RPP30: variants seen among roughly 807,000 people sequenced by gnomAD.
RPP30 encodes ribonuclease P protein subunit p30.
In RPP30, 36 loss-of-function variants were observed where a neutral mutation model predicts 38.6. The observed-to-expected ratio is 0.93, with a 90% CI of 0.71 to 1.23. The LOEUF is 1.23. Ranked by LOEUF, RPP30 falls within the 50% of genes most tolerant of loss-of-function variation. The pLI is 0.00. For missense variants in RPP30, 321 were observed against 321.7 expected, an observed-to-expected ratio of 1.00 and a Z score of 0.02; for synonymous variants, 126 against 112.7, an observed-to-expected ratio of 1.12 and a Z score of -0.75.
intron 6 of RPP30, among the ~76,000 whole-genome samples, chr10:90,890,415 T>C (rs1251629036): frequency 1.3e-5 from 2 of 152,228 alleles, no homozygotes; most frequent in Admixed American, 6.5e-5. Context: ...GGATCTTATA[T>C]GTTTTACACT....
chr10:90,898,941 A>G (rs1210213851), intron 10 of RPP30, among the ~76,000 whole-genome samples: 3 of 152,330 alleles, frequency 2.0e-5, no homozygotes, highest in South Asian at 2.1e-4. Flanking sequence ...GAACAAAATT[A>G]TTCACTCGTA....
chr10:90,872,053 G>A lies in RPP30; in HGVS notation c.67G>A (p.Glu23Lys). ...SDLKALRGLV[E>K]TAAHLGYSVV... The stretch of plus-strand genomic sequence containing the variant: ...CCTGAAGGCTCTGCGCGGACTTGTG[G>A]AGACAGCCGCTCACCGTGAGTTGCC... Residue 23 changes from glutamate (E) to lysine (K), a missense_variant, in exon 1 of 11, where the codon GAG becomes AAG. Physicochemically the swap from Glu to Lys is moderately conservative, Grantham distance 56. Coordinates refer to ENST00000371703, the MANE Select transcript of RPP30 (RefSeq NM_006413.5). 3 of 1,614,162 alleles carry A rather than the reference G, an allele frequency of 1.9e-6. No individual in the cohort carries two copies. The highest frequency in any genetic ancestry group is 2.5e-6 in the Non-Finnish European group (3 of 1,180,018).
intron 4 of RPP30, among the ~76,000 whole-genome samples, chr10:90,876,515 A>C (rs982194681): frequency 4.6e-5 from 7 of 152,328 alleles, no homozygotes; most frequent in South Asian, 2.1e-4. Context: ...ATGCTCTGGG[A>C]GTATGTAACC....
At chr10:90,897,225 A>G (rs1847150156) in intron 10 of RPP30, among the ~76,000 whole-genome samples, 1 of 152,256 alleles carries the variant, frequency 6.6e-6, no homozygotes. Flanking sequence ...TTATCTTTAT[A>G]ATTCTTAGGA....
In RPP30 at chr10:90,901,021, G is replaced by A; in HGVS notation, c.*342G>A. 1.2e-6 allele frequency: 1 copy of A among 845,512 alleles called. No individual in the cohort carries two copies. Among genetic ancestry groups the A allele is most frequent in the Non-Finnish European group, 1.4e-6 (1 of 694,566 alleles). The allele number at this position is 845,512 out of a possible 1,614,324, so 52.4% of individuals were successfully genotyped here. A position where few individuals can be genotyped will look rare whatever the true frequency, so the allele number is the denominator to read the frequency against. ...TTTGAGATAGGGTCTTTGTTGCTCA[G>A]GCTGGAGTACAGTGGCATAATCACA... On this transcript the variant is annotated 3_prime_UTR_variant, in exon 11 of 11. Coordinates refer to ENST00000371703, the MANE Select transcript of RPP30 (RefSeq NM_006413.5).
chr10:90,886,064 G>A (rs975868398), intron 6 of RPP30, among the ~76,000 whole-genome samples, 163 bp downstream of exon 6: 12 of 152,262 alleles, frequency 7.9e-5, no homozygotes, highest in Middle Eastern at 3.4e-3. Context: ...AACAAAGGGA[G>A]AAAGAAAGCT....
At chr10:90,880,876 A>T (rs1050694914) in intron 5 of RPP30, among the ~76,000 whole-genome samples, 3 of 152,210 alleles carry the variant, frequency 2.0e-5, no homozygotes, top group African/African-American at 7.2e-5. Flanking sequence ...ACTTTGTTCC[A>T]GTAGATTTGG....
chr10:90,890,248 T>G (rs1412610419), intron 6 of RPP30, among the ~76,000 whole-genome samples: 1 of 152,238 alleles, frequency 6.6e-6, no homozygotes, highest in African/African-American at 2.4e-5. Flanking sequence ...TTTCATATTT[T>G]AAAACATGAG....
rs772699207 is a variant in RPP30 at position 90,900,614 on chromosome 10, C to T, written c.742C>T (p.Pro248Ser). Residue 248 changes from proline (P) to serine (S), a missense_variant, in exon 11 of 11, where the codon CCT becomes TCT. By Grantham distance (74) the Pro-to-Ser change is moderately conservative. Transcript: ENST00000371703. ...TGGAATTATCTCTACAGTGAAGAAACCTCGGCCATCAGAAGGAGATGAAGA... is the reference window on the plus strand; with the variant it reads ...TGGAATTATCTCTACAGTGAAGAAATCTCGGCCATCAGAAGGAGATGAAGA... Reference protein sequence around the residue: ...AFGIISTVKKPRPSEGDEDCL... With the variant: ...AFGIISTVKKSRPSEGDEDCL... The T allele has an allele frequency of 3.1e-6, 5 of 1,613,560 alleles. No individual in the cohort carries two copies. The highest frequency in any genetic ancestry group is 4.2e-6 in the Non-Finnish European group (5 of 1,179,742).
chr10:90,875,955 T>A, intron 3 of RPP30, 69 bp from the exon 4 acceptor site: 1 of 899,740 alleles, frequency 1.1e-6, no homozygotes, highest in East Asian at 2.4e-5. Flanking sequence ...ATGAATACTT[T>A]CCACTGGTAA....
chr10:90,895,609 C>A, intron 8 of RPP30, 126 bp downstream of exon 8: 1 of 585,058 alleles, frequency 1.7e-6, no homozygotes, highest in South Asian at 4.3e-5. Flanking sequence ...TGCATTTGCT[C>A]ATTGTAATTG....
chr10:90,896,358 G>A lies in RPP30; in HGVS notation c.663G>A (p.Val221=), dbSNP rs754396234. 5.0e-6 allele frequency: 8 copies of A among 1,613,990 alleles called. No individual in the cohort carries two copies. The South Asian group carries it at 5.5e-5, about 11-fold the overall frequency. The change falls in exon 10 of 11, where the codon GTG becomes GTA. Residue 221 remains valine (V), a synonymous_variant. Transcript: ENST00000371703. ...CTGAAAGTGACGCCAAGGCTGCGGT[G>A]TCCACCAACTGCCGAGCAGCGCTTC... The part of the protein sequence containing the change: ...GLSESDAKAA[V]STNCRAALLH...
In RPP30 at chr10:90,895,503, C is replaced by CT; in HGVS notation, c.579+23dup. On this transcript the variant is annotated intron_variant, in intron 8 of 10. Coordinates refer to ENST00000371703, the MANE Select transcript of RPP30 (RefSeq NM_006413.5). ...GAAAGGGTAAGTCTAGCATGAAGTA[C>CT]TTTGTTTTCATCTTTCAGGTTATAA... 7.5e-7 allele frequency: 1 copy of CT among 1,333,622 alleles called. No individual in the cohort carries two copies. Among genetic ancestry groups the CT allele is most frequent in the South Asian group, 2.2e-5 (1 of 45,744 alleles). 82.6% of individuals were successfully genotyped at this position (1,333,622 alleles called of 1,614,324 possible). A position where few individuals can be genotyped will look rare whatever the true frequency, so the allele number is the denominator to read the frequency against.
At chr10:90,906,457 C>T (rs115605292), downstream of RPP30, among the ~76,000 whole-genome samples, 1 of 152,202 alleles carries the variant, frequency 6.6e-6, no homozygotes, top group African/African-American at 2.4e-5. Flanking sequence ...GAGTTAACAG[C>T]AGCCAGATTT....
intron 4 of RPP30, among the ~76,000 whole-genome samples, chr10:90,876,610 A>G (rs540089210): frequency 6.6e-6 from 1 of 152,334 alleles, no homozygotes; most frequent in East Asian, 1.9e-4. Context: ...GTTCCCAGAT[A>G]GGATGGATTA....
chr10:90,885,521 G>A (rs1846988029), intron 5 of RPP30, among the ~76,000 whole-genome samples: 1 of 152,216 alleles, frequency 6.6e-6, no homozygotes, highest in Admixed American at 6.5e-5. Context: ...GCCTCGCTCT[G>A]CAACCCATCC....
At position 90,895,855 on chromosome 10, in the gene RPP30, C is replaced by A. The variant is rs73315680; in HGVS notation, c.580-25C>A. ...AATGTTATAAATAATTTTCTCATAT[C>A]TACTCTTTGTTCATTTTATTTCAGC... On this transcript the variant is annotated intron_variant, in intron 8 of 10. Transcript: ENST00000371703. 6.8e-3 allele frequency: 10,496 copies of A among 1,541,480 alleles called. 638 individuals are homozygous for A. In the African/African-American group the frequency reaches 0.13, roughly 19 times the overall value.
intron 1 of RPP30, among the ~76,000 whole-genome samples, chr10:90,873,555 T>A (rs1301802595): frequency 6.6e-6 from 1 of 152,134 alleles, no homozygotes; most frequent in Non-Finnish European, 1.5e-5. Context: ...TAAAGCCTGA[T>A]TGGGGAAGTA....
At chr10:90,883,460 A>T (rs1199232620) in intron 5 of RPP30, among the ~76,000 whole-genome samples, 1 of 152,142 alleles carries the variant, frequency 6.6e-6, no homozygotes. Flanking sequence ...ATTAACTTTT[A>T]TTTTGTGGTT....
Sources: allele counts gnomAD v4.1 joint callset (sites outside exome capture counted in the v4.1 genomes callset), GRCh38; gene constraint gnomAD v4.1.1; transcripts MANE v1.5; gene names NCBI Gene and HGNC (gene_info 2026-07-23, HGNC 2026-07-21).